UBE3C: variants seen among roughly 807,000 people sequenced by gnomAD.
UBE3C encodes ubiquitin protein ligase E3C.
UBE3C carries 42 observed loss-of-function variants against 129.4 expected under a neutral mutation model. The ratio of observed to expected loss-of-function variants is 0.32; its 90% CI spans 0.25 to 0.42. UBE3C has a LOEUF of 0.42. Ranked by LOEUF, UBE3C falls within the 10% of genes least tolerant of loss-of-function variation. The pLI is 1.00. For missense variants in UBE3C, 1,049 were observed against 1,319.1 expected (o/e 0.80, Z 3.17); for synonymous variants, 510 against 492.4 (o/e 1.04, Z -0.47).
rs1796769356 is a variant in UBE3C at position 157,256,997 on chromosome 7, C to A, written c.3034C>A (p.Leu1012Met). ...GFTDEEKRKLLKFVTSCSRPP... is the reference protein window; with the variant it reads ...GFTDEEKRKLMKFVTSCSRPP... The stretch of plus-strand genomic sequence containing the variant: ...CACTGATGAAGAAAAGCGCAAACTG[C>A]TGAAGTTTGTAACAAGCTGCTCTCG... Residue 1012 changes from leucine (L) to methionine (M), a missense_variant, in exon 22 of 23, where the codon CTG becomes ATG. Leu to Met is a conservative substitution (Grantham distance 15). Coordinates refer to ENST00000348165, the MANE Select transcript of UBE3C (RefSeq NM_014671.3). The A allele has an allele frequency of 6.2e-7, 1 of 1,614,054 alleles. No individual in the cohort carries two copies.
chr7:157,261,784 T>C (rs1796920810), intron 22 of UBE3C, among the ~76,000 whole-genome samples: 1 of 152,238 alleles, frequency 6.6e-6, no homozygotes, highest in African/African-American at 2.4e-5. Context: ...ATGTGATTGT[T>C]ACAGACAAAA....
At chr7:157,214,863 C>G (rs1314613697) in intron 13 of UBE3C, among the ~76,000 whole-genome samples, 1 of 152,146 alleles carries the variant, frequency 6.6e-6, no homozygotes, top group Non-Finnish European at 1.5e-5. Context: ...GTTAACCAGA[C>G]AGAACTAATA....
At chr7:157,180,429 A>G (rs760742492) in intron 6 of UBE3C, among the ~76,000 whole-genome samples, 1 of 152,252 alleles carries the variant, frequency 6.6e-6, no homozygotes, top group Non-Finnish European at 1.5e-5. Context: ...AGTTATCAGT[A>G]TACACTAGGT....
intron 10 of UBE3C, among the ~76,000 whole-genome samples, chr7:157,198,821 C>T (rs958950117): frequency 6.6e-6 from 1 of 152,026 alleles, no homozygotes; most frequent in South Asian, 2.1e-4. Flanking sequence ...GGCGTGAGCA[C>T]CTGGCCCAGA....
Position 157,207,812 on chromosome 7 carries a change from A to G in UBE3C, c.1686A>G (p.Pro562=), listed in dbSNP as rs1586688943. The change falls in exon 13 of 23, where the codon CCA becomes CCG. Residue 562 remains proline, a synonymous_variant. Transcript: ENST00000348165. ...ACLGIIKLAY[P]ETKPEVREEY... is the part of the protein sequence containing the mutation. ...TGGGGATCATCAAGTTGGCTTATCC[A>G]GAAACCAAGCCAGAAGTTCGAGAAG... is the stretch of plus-strand genomic sequence containing the variant. 6.2e-7 allele frequency: 1 copy of G among 1,614,200 alleles called. No individual in the cohort carries two copies. The highest frequency in any genetic ancestry group is 1.1e-5 in the South Asian group (1 of 91,082).
At chr7:157,264,174 C>T (rs1015489604) in intron 22 of UBE3C, among the ~76,000 whole-genome samples, 1 of 148,620 alleles carries the variant, frequency 6.7e-6, no homozygotes, top group African/African-American at 2.5e-5. Context: ...CCAACATGTT[C>T]GGCCTGTTAA....
chr7:157,259,919 AGAACTGGAGT>A (rs1159481601), intron 22 of UBE3C, among the ~76,000 whole-genome samples: 2 of 152,234 alleles, frequency 1.3e-5, no homozygotes, highest in Non-Finnish European at 2.9e-5. Context: ...TAGTGCCCTC[AGAACTGGAGT>A]TGGGACCCAG....
At chr7:157,156,256 T>G (rs1404561617) in intron 1 of UBE3C, among the ~76,000 whole-genome samples, 4 of 149,628 alleles carry the variant, frequency 2.7e-5, no homozygotes, top group Non-Finnish European at 5.9e-5. Context: ...AACAGTCAAA[T>G]AAAATACTAG....
chr7:157,240,849 G>A (rs1796298553), intron 18 of UBE3C, among the ~76,000 whole-genome samples: 1 of 152,186 alleles, frequency 6.6e-6, no homozygotes, highest in South Asian at 2.1e-4. Context: ...TGGTAGCTAA[G>A]GTGGAGTTGA....
chr7:157,241,093 T>C (rs1482319595), intron 18 of UBE3C, among the ~76,000 whole-genome samples: 1 of 152,084 alleles, frequency 6.6e-6, no homozygotes, highest in Non-Finnish European at 1.5e-5. Context: ...ACAGGGGGCC[T>C]ACCTCCCTTC....
chr7:157,247,921 C>G (rs115473644), intron 18 of UBE3C, among the ~76,000 whole-genome samples: 1 of 151,784 alleles, frequency 6.6e-6, no homozygotes, highest in Non-Finnish European at 1.5e-5. Flanking sequence ...CCAATAGCTG[C>G]GAGGCCTTGT....
intron 8 of UBE3C, 80 bp from the exon 9 acceptor site, chr7:157,183,798 G>A: frequency 6.6e-7 from 1 of 1,517,046 alleles, no homozygotes; most frequent in Non-Finnish European, 8.9e-7. Flanking sequence ...CTCTGCGTGT[G>A]AGGAAAAATG....
intron 5 of UBE3C, among the ~76,000 whole-genome samples, chr7:157,177,485 G>T (rs762378001): frequency 2.0e-5 from 3 of 152,212 alleles, no homozygotes; most frequent in African/African-American, 7.2e-5. Context: ...TCTCACATGG[G>T]ATTATCAGCA....
intron 18 of UBE3C, among the ~76,000 whole-genome samples, chr7:157,245,439 C>G (rs898105651): frequency 6.6e-6 from 1 of 152,160 alleles, no homozygotes; most frequent in African/African-American, 2.4e-5. Context: ...TCATTCATTT[C>G]GAAGTGATGC....
chr7:157,147,994 G>T (rs113789063), intron 1 of UBE3C, among the ~76,000 whole-genome samples: 3 of 152,120 alleles, frequency 2.0e-5, no homozygotes, highest in Non-Finnish European at 4.4e-5. Context: ...TCAATTTAGG[G>T]TGTTTTTGTG....
intron 18 of UBE3C, among the ~76,000 whole-genome samples, chr7:157,233,751 C>T (rs922000624): frequency 4.6e-5 from 7 of 152,214 alleles, no homozygotes; most frequent in Admixed American, 4.6e-4. Context: ...TATACCTAGA[C>T]ATGGAAGTGT....
Position 157,231,311 on chromosome 7 carries a change from G to A in UBE3C, c.2465G>A (p.Gly822Asp). The change falls in exon 18 of 23, where the codon GGC becomes GAC. Residue 822 changes from glycine (G) to aspartate (D), a missense_variant. Transcript: ENST00000348165. ...DSFARHYYFLGRMLGKALYEN... is the reference protein window; with the variant it reads ...DSFARHYYFLDRMLGKALYEN... ...TTTGCCAGACATTACTACTTCCTAG[G>A]CAGAATGCTTGGAAAGGTAAAGTAA... is the stretch of plus-strand genomic sequence containing the variant. The A allele has an allele frequency of 6.2e-7, 1 of 1,613,762 alleles. No individual in the cohort carries two copies. Among genetic ancestry groups the A allele is most frequent in the East Asian group, 2.2e-5 (1 of 44,884 alleles).
At chr7:157,144,726 A>G (rs1478791659) in intron 1 of UBE3C, among the ~76,000 whole-genome samples, 1 of 152,034 alleles carries the variant, frequency 6.6e-6, no homozygotes, top group African/African-American at 2.4e-5. Context: ...GAGCAGTTTC[A>G]GGTTTACAAT....
chr7:157,254,946 C>T (rs1255566447), intron 21 of UBE3C, among the ~76,000 whole-genome samples: 3 of 122,792 alleles, frequency 2.4e-5, no homozygotes, highest in Non-Finnish European at 5.8e-5. Flanking sequence ...GCAGTCCCGG[C>T]GTGGTGGCGT....
Sources: gnomAD v4.1 joint callset for allele counts (sites outside exome capture counted in the v4.1 genomes callset) on GRCh38, gnomAD v4.1.1 for gene constraint, MANE v1.5 for transcripts, NCBI Gene and HGNC (gene_info 2026-07-23, HGNC 2026-07-21) for gene names.